DAB1: variants seen among roughly 807,000 people sequenced by gnomAD.
DAB1 encodes the protein disabled homolog 1.
In DAB1, 15 loss-of-function variants were observed where a neutral mutation model predicts 64.6. That is an observed-to-expected ratio of 0.23 (90% CI 0.16 to 0.36). DAB1 has a LOEUF of 0.36. Among genes scored for constraint, DAB1 ranks in the 10% least tolerant of loss-of-function variants. The probability of loss-of-function intolerance (pLI) is 1.00; values close to 1 mark genes in which losing one functional copy is unlikely to be tolerated. For synonymous variants in DAB1, 235 were observed against 251.9 expected, an observed-to-expected ratio of 0.93 and a Z score of 0.64; for missense variants, 596 against 706.7, an observed-to-expected ratio of 0.84 and a Z score of 1.78.
chr1:58,173,531 G>A (rs1303293832), intron 4 of DAB1, among the ~76,000 whole-genome samples: 1 of 152,098 alleles, frequency 6.6e-6, no homozygotes, highest in Non-Finnish European at 1.5e-5. Flanking sequence ...CTCTTGAATG[G>A]TTCCTAGTAG....
intron 1 of DAB1, among the ~76,000 whole-genome samples, chr1:57,356,071 A>G (rs1046314199): frequency 6.6e-6 from 1 of 152,064 alleles, no homozygotes; most frequent in African/African-American, 2.4e-5. Flanking sequence ...CTGAAACATA[A>G]GCTCCATGAA....
At chr1:57,193,588 A>G (rs1351285974) in intron 2 of DAB1, among the ~76,000 whole-genome samples, 2 of 151,920 alleles carry the variant, frequency 1.3e-5, no homozygotes, top group Non-Finnish European at 2.9e-5. Context: ...GGGTTTCACC[A>G]TGTTAGCCAG....
At chr1:57,623,004 A>T (rs1377377416) in intron 7 of DAB1, among the ~76,000 whole-genome samples, 2 of 152,216 alleles carry the variant, frequency 1.3e-5, no homozygotes, top group Non-Finnish European at 1.5e-5. Context: ...ATAATAAGGC[A>T]GGGTGATTTA....
Position 58,056,559 on chromosome 1 carries a change from C to A in DAB1, n.387+93952G>T. 3.7e-6 allele frequency: 3 copies of A among 804,766 alleles called. No individual in the cohort carries two copies. In the East Asian group the frequency reaches 7.3e-5, roughly 20 times the overall value. The allele number at this position is 804,766 out of a possible 1,614,324, so 49.9% of individuals were successfully genotyped here. The stretch of plus-strand genomic sequence containing the variant: ...TCACCTTGCTCATCACAACCTAACT[C>A]CCCCATTTTCTGGCTCTCAGGCTCT... On this transcript the variant is annotated intron_variant and non_coding_transcript_variant, in intron 5 of 20. Coordinates refer to the DAB1 transcript ENST00000485760.
At chr1:57,432,170 G>A (rs924813679) in intron 7 of DAB1, among the ~76,000 whole-genome samples, 10 of 151,318 alleles carry the variant, frequency 6.6e-5, no homozygotes, top group African/African-American at 2.4e-4. Context: ...TCGAAAAAGA[G>A]AAGAATCAGC....
chr1:58,283,227 G>T (rs1411905507), intron 4 of DAB1, among the ~76,000 whole-genome samples: 3 of 151,988 alleles, frequency 2.0e-5, no homozygotes, highest in Admixed American at 2.0e-4. Flanking sequence ...GGTAAAAGAG[G>T]CAAGCCAGGA....
intron 5 of DAB1, among the ~76,000 whole-genome samples, chr1:57,934,683 G>A (rs1030698385): frequency 6.6e-6 from 1 of 152,160 alleles, no homozygotes; most frequent in African/African-American, 2.4e-5. Flanking sequence ...AGGACCTGAT[G>A]AACCCAGGAT....
At chr1:57,186,355 C>G (rs2100987502) in intron 2 of DAB1, among the ~76,000 whole-genome samples, 1 of 152,242 alleles carries the variant, frequency 6.6e-6, no homozygotes, top group South Asian at 2.1e-4. Context: ...CATCCCCAAT[C>G]GATCAGTGTG....
At chr1:57,780,599 A>G (rs1449536710) in intron 6 of DAB1, among the ~76,000 whole-genome samples, 1 of 152,012 alleles carries the variant, frequency 6.6e-6, no homozygotes, top group Non-Finnish European at 1.5e-5. Flanking sequence ...AAAAAAATCC[A>G]TATTTTGAAA....
intron 2 of DAB1, among the ~76,000 whole-genome samples, chr1:57,229,228 G>C (rs932624246): frequency 6.9e-6 from 1 of 144,752 alleles, no homozygotes; most frequent in African/African-American, 2.6e-5. Context: ...GGCTCTCACT[G>C]TGTCATGCAG....
intron 6 of DAB1, among the ~76,000 whole-genome samples, chr1:57,789,787 G>A (rs1331458740): frequency 6.6e-6 from 1 of 152,204 alleles, no homozygotes; most frequent in African/African-American, 2.4e-5. Context: ...GCAAGGATGA[G>A]TAATTATCTG....
At chr1:57,898,725 G>A (rs943769657) in intron 5 of DAB1, among the ~76,000 whole-genome samples, 1 of 152,120 alleles carries the variant, frequency 6.6e-6, no homozygotes, top group Admixed American at 6.6e-5. Flanking sequence ...GTTTAAAAAA[G>A]GATAATCAGA....
At chr1:58,414,006 T>A (rs1206175394) in intron 3 of DAB1, among the ~76,000 whole-genome samples, 3 of 152,232 alleles carry the variant, frequency 2.0e-5, no homozygotes, top group Non-Finnish European at 4.4e-5. Flanking sequence ...GCTACTAACC[T>A]GGACAGCATA....
At chr1:58,231,003 G>C (rs1449922669) in intron 4 of DAB1, among the ~76,000 whole-genome samples, 2 of 152,138 alleles carry the variant, frequency 1.3e-5, no homozygotes, top group Admixed American at 6.5e-5. Flanking sequence ...ACCACACTGT[G>C]GCTATGCATC....
intron 3 of DAB1, among the ~76,000 whole-genome samples, chr1:58,376,861 T>C (rs1644332810): frequency 9.3e-6 from 1 of 107,564 alleles, no homozygotes; most frequent in Non-Finnish European, 1.9e-5. Flanking sequence ...ATCTGGGTGC[T>C]CCTGTATTGG....
At chr1:57,688,838 C>A (rs897377571) in intron 6 of DAB1, among the ~76,000 whole-genome samples, 2 of 152,166 alleles carry the variant, frequency 1.3e-5, no homozygotes, top group Non-Finnish European at 1.5e-5. Flanking sequence ...ACCATATATT[C>A]TCACTTGTAA....
At chr1:57,867,013 G>A (rs1404514687) in intron 1 of DAB1, 1 of 152,132 alleles carries the variant, frequency 6.6e-6, no homozygotes, top group African/African-American at 2.4e-5. Flanking sequence ...GTCAGGTGGA[G>A]GCATGGGGGC....
intron 7 of DAB1, among the ~76,000 whole-genome samples, chr1:57,546,690 C>CT (rs932248732): frequency 1.3e-5 from 2 of 152,160 alleles, no homozygotes; most frequent in Non-Finnish European, 2.9e-5. Context: ...CAGTGACAGA[C>CT]TGCACATAAA....
At chr1:57,193,007 T>C (rs1664279364) in intron 2 of DAB1, among the ~76,000 whole-genome samples, 1 of 152,242 alleles carries the variant, frequency 6.6e-6, no homozygotes, top group Non-Finnish European at 1.5e-5. Flanking sequence ...CATTGTGGAA[T>C]GGCTAAATCA....
Sources: gnomAD v4.1 joint callset for allele counts (sites outside exome capture counted in the v4.1 genomes callset) on GRCh38, gnomAD v4.1.1 for gene constraint, MANE v1.5 for transcripts, NCBI Gene and HGNC (gene_info 2026-07-23, HGNC 2026-07-21) for gene names.